MATN2: variants seen among roughly 807,000 people sequenced by gnomAD.
The protein encoded by MATN2 is matrilin-2.
In MATN2, 69 loss-of-function variants were observed where a neutral mutation model predicts 103.2. That is an observed-to-expected ratio of 0.67 (90% CI 0.55 to 0.82). MATN2 has a LOEUF of 0.82. Among genes scored for constraint, MATN2 ranks in the 40% least tolerant of loss-of-function variants. MATN2 has a pLI of 0.00. For missense variants in MATN2, 1,023 were observed against 1,211.5 expected (o/e 0.84, Z 2.31); for synonymous variants, 429 against 450.2 (o/e 0.95, Z 0.60).
chr8:97,966,650 G>T (rs546399920), intron 5 of MATN2, among the ~76,000 whole-genome samples: 1 of 152,160 alleles, frequency 6.6e-6, no homozygotes, highest in Non-Finnish European at 1.5e-5. Flanking sequence ...ACAAGGACAC[G>T]TCAAGAGGAA....
At chr8:97,927,119 C>CTGTTT (rs1286706220) in intron 2 of MATN2, among the ~76,000 whole-genome samples, 1 of 140,450 alleles carries the variant, frequency 7.1e-6, no homozygotes, top group Non-Finnish European at 1.5e-5. Flanking sequence ...TAGTTTTGTT[C>CTGTTT]TGTTTTGTTT....
In MATN2 at chr8:98,007,658, GGT is replaced by G; in HGVS notation, c.1573+59_1573+60del. 5 of 1,571,134 alleles carry G rather than the reference GGT, an allele frequency of 3.2e-6. No individual in the cohort carries two copies. The highest frequency in any genetic ancestry group is 3.5e-6 in the Non-Finnish European group (4 of 1,151,876). On this transcript the variant is annotated intron_variant, in intron 10 of 18. Coordinates refer to ENST00000254898, the MANE Select transcript of MATN2 (RefSeq NM_002380.5). This position sits in a 1 kb window ranked among gnomAD's most constrained non-coding sequence, Gnocchi z 4.2. Reference sequence around the variant, plus strand: ...CAGGTGTTCCGTGGGTGCCGGTGTGGGTGCGCTGCCGACGTGTATATGTGCCT... The same window carrying G: ...CAGGTGTTCCGTGGGTGCCGGTGTGGGCGCTGCCGACGTGTATATGTGCCT...
At chr8:97,992,681 G>A (rs1812432398) in intron 6 of MATN2, among the ~76,000 whole-genome samples, 1 of 146,846 alleles carries the variant, frequency 6.8e-6, no homozygotes. Flanking sequence ...GGGCGGCAGA[G>A]GTTGCAGTGA....
intron 13 of MATN2, among the ~76,000 whole-genome samples, chr8:98,025,915 T>C (rs970858709): frequency 1.3e-5 from 2 of 152,130 alleles, no homozygotes; most frequent in South Asian, 4.1e-4. Flanking sequence ...CAGTGGCTCA[T>C]GCCTGTAATC....
At chr8:98,035,521 C>T in intron 18 of MATN2, 136 bp from the exon 19 acceptor site, 1 of 529,872 alleles carries the variant, frequency 1.9e-6, no homozygotes, top group Non-Finnish European at 3.4e-6. Flanking sequence ...AGGGTTTTAA[C>T]ATACTTGACA....
At chr8:97,887,526 G>A (rs1230724267) in intron 1 of MATN2, among the ~76,000 whole-genome samples, 2 of 152,188 alleles carry the variant, frequency 1.3e-5, no homozygotes, top group African/African-American at 4.8e-5. Flanking sequence ...TAGTACCAGA[G>A]TCCAAGCCCA....
intron 5 of MATN2, among the ~76,000 whole-genome samples, chr8:97,967,639 C>T (rs1004260010): frequency 6.6e-6 from 1 of 152,246 alleles, no homozygotes; most frequent in Non-Finnish European, 1.5e-5. Flanking sequence ...GCATCCAAGG[C>T]ACACAGGTGC....
At position 97,982,584 on chromosome 8, in the gene MATN2, A is replaced by G. The variant is rs1812063535; in HGVS notation, c.1081+3576A>G. Among the ~76,000 whole-genome samples, 1 of 152,248 alleles carries G rather than the reference A, an allele frequency of 6.6e-6. No individual in the cohort carries two copies. The highest frequency in any genetic ancestry group is 1.5e-5 in the Non-Finnish European group (1 of 68,038). The stretch of plus-strand genomic sequence containing the variant: ...CTCAAAAAGGTAGACTAGTCAATGT[A>G]ATAAACCAAGCATGGTTAATTTATG... On this transcript the variant is annotated intron_variant, in intron 6 of 18. Coordinates refer to ENST00000254898, the MANE Select transcript of MATN2 (RefSeq NM_002380.5). This position sits in a 1 kb window ranked among gnomAD's most constrained non-coding sequence, Gnocchi z 4.3.
At chr8:97,910,622 C>T (rs1056244620) in intron 2 of MATN2, among the ~76,000 whole-genome samples, 1 of 152,200 alleles carries the variant, frequency 6.6e-6, no homozygotes, top group African/African-American at 2.4e-5. Flanking sequence ...GGAACTTTCA[C>T]GTAATATAAA....
chr8:97,967,514 C>T (rs1231895709), intron 5 of MATN2, among the ~76,000 whole-genome samples: 2 of 152,036 alleles, frequency 1.3e-5, no homozygotes, highest in Non-Finnish European at 2.9e-5. Flanking sequence ...ATTCTCATTT[C>T]AAAAGGGAGA....
intron 4 of MATN2, among the ~76,000 whole-genome samples, chr8:97,951,539 G>T (rs1810951861): frequency 6.6e-6 from 1 of 152,124 alleles, no homozygotes; most frequent in Non-Finnish European, 1.5e-5. Flanking sequence ...CTCTGGAACT[G>T]GGGCCCAGGA....
At chr8:97,937,325 C>T (rs1810407103) in intron 3 of MATN2, among the ~76,000 whole-genome samples, 1 of 152,112 alleles carries the variant, frequency 6.6e-6, no homozygotes, top group Non-Finnish European at 1.5e-5. Flanking sequence ...TAGAGGCTGT[C>T]CATGCCTTTA....
intron 2 of MATN2, among the ~76,000 whole-genome samples, chr8:97,893,048 G>C (rs1417547817): frequency 6.6e-6 from 1 of 152,156 alleles, no homozygotes; most frequent in Non-Finnish European, 1.5e-5. Flanking sequence ...AAGGAGTTTT[G>C]AGCTTCATTT....
chr8:97,919,980 T>C (rs1809759287), intron 2 of MATN2, among the ~76,000 whole-genome samples: 1 of 152,126 alleles, frequency 6.6e-6, no homozygotes, highest in African/African-American at 2.4e-5. Context: ...GCAGAGGGCA[T>C]GCCTAGCAGA....
intron 4 of MATN2, among the ~76,000 whole-genome samples, chr8:97,958,925 C>T (rs530429238): frequency 1.3e-5 from 2 of 152,312 alleles, no homozygotes; most frequent in South Asian, 4.2e-4. Flanking sequence ...ATTTCCAGAG[C>T]AGAATTCAGC....
intron 2 of MATN2, among the ~76,000 whole-genome samples, chr8:97,924,174 C>CT (rs1809908346): frequency 6.6e-6 from 1 of 152,198 alleles, no homozygotes; most frequent in South Asian, 2.1e-4. Flanking sequence ...TTAAATTCAA[C>CT]TTTTACCAGC....
rs553472570 is a variant in MATN2 at position 97,872,015 on chromosome 8, G to A, written c.-27+2728G>A. Among the ~76,000 whole-genome samples the A allele has an allele frequency of 4.6e-5, 7 of 152,344 alleles. No individual in the cohort carries two copies. In the East Asian group the frequency reaches 1.2e-3, roughly 25 times the overall value. On this transcript the variant is annotated intron_variant, in intron 1 of 18. Transcript: ENST00000254898. The stretch of plus-strand genomic sequence containing the variant: ...ATCTGTTTCTTCATCTGTAAATGAA[G>A]ACTGGATTTTTTGGGAGAATTAAAT...
chr8:97,994,109 A>G (rs1443915002), intron 6 of MATN2, among the ~76,000 whole-genome samples: 3 of 108,916 alleles, frequency 2.8e-5, no homozygotes, highest in Non-Finnish European at 5.6e-5. Flanking sequence ...AAGAAAGGAA[A>G]GGAAGGAAGG....
chr8:98,015,947 T>C lies in MATN2; in HGVS notation c.1574-593T>C, dbSNP rs1813343937. Among the ~76,000 whole-genome samples the C allele has an allele frequency of 3.9e-5, 6 of 152,342 alleles. 1 individual carries two copies. The South Asian group carries it at 1.2e-3, about 32-fold the overall frequency. On this transcript the variant is annotated intron_variant, in intron 10 of 18. Coordinates refer to ENST00000254898, the MANE Select transcript of MATN2 (RefSeq NM_002380.5). ...ATATATACATACATACATAAGTAGA[T>C]ATGTAAATAAGTTGATATTATAGTT...
Sources: gnomAD v4.1 joint callset for allele counts (sites outside exome capture counted in the v4.1 genomes callset) on GRCh38, gnomAD v4.1.1 for gene constraint, Gnocchi (gnomAD v3.1) non-coding constraint, MANE v1.5 for transcripts, NCBI Gene and HGNC (gene_info 2026-07-23, HGNC 2026-07-21) for gene names.